The following GSE1 variants were observed in gnomAD, a reference collection of about 807,000 sequenced individuals.
GSE1 encodes the protein genetic suppressor element 1.
Under a neutral mutation model 112.6 loss-of-function variants are expected in GSE1, and 32 were observed. That is an observed-to-expected ratio of 0.28 (90% confidence interval 0.21 to 0.38). The LOEUF is 0.38. Among genes scored for constraint, GSE1 ranks in the 10% least tolerant of loss-of-function variants. GSE1 has a pLI of 1.00. For synonymous variants in GSE1, 1,115 were observed against 735.6 expected, an observed-to-expected ratio of 1.52 and a Z score of -8.35; for missense variants, 2,348 against 1,699.2, an observed-to-expected ratio of 1.38 and a Z score of -6.71.
exon 1 of GSE1, chr16:85,169,719 G>T: frequency 1.0e-6 from 1 of 983,778 alleles, no homozygotes; most frequent in Non-Finnish European, 1.2e-6. Flanking sequence ...TCCCGTTCCT[G>T]CAGCAGCAGG....
At position 85,673,610 on chromosome 16, in the gene GSE1, T is replaced by G. The variant is rs2152037465; in HGVS notation, c.*1071T>G. ...TTACCACTGGCGCCTATGCGATCAC[T>G]TCATTTTTAGTTTGAGTTGCACCAG... On this transcript the variant is annotated 3_prime_UTR_variant, in exon 16 of 16. Transcript: ENST00000253458. 1 of 152,338 alleles carries G rather than the reference T, an allele frequency of 6.6e-6. No individual in the cohort carries two copies. The highest frequency in any genetic ancestry group is 2.1e-4 in the South Asian group (1 of 4,832). 9.4% of individuals were successfully genotyped at this position (152,338 alleles called of 1,614,324 possible).
intron 2 of GSE1, among the ~76,000 whole-genome samples, chr16:85,372,096 C>T (rs74034707): frequency 0.026 from 3,938 of 152,276 alleles, 154 homozygotes; most frequent in African/African-American, 0.089. Flanking sequence ...GCTTCTCACC[C>T]TCCCCTTCCT....
chr16:85,238,802 C>T (rs951691339), intron 1 of GSE1, among the ~76,000 whole-genome samples: 2 of 152,204 alleles, frequency 1.3e-5, no homozygotes, highest in African/African-American at 4.8e-5. Context: ...GCTACCCTTC[C>T]CCTAACTTAT....
chr16:85,361,452 G>A (rs1040301421), intron 2 of GSE1, among the ~76,000 whole-genome samples: 9 of 151,840 alleles, frequency 5.9e-5, no homozygotes, highest in Admixed American at 5.9e-4. Flanking sequence ...CCACAGCCCC[G>A]TCTCCCTCTT....
Position 85,331,473 on chromosome 16 carries a change from GTATA to G in GSE1, c.2284-25986_2284-25983del, listed in dbSNP as rs1217059211. 6.1e-5 allele frequency among the ~76,000 whole-genome samples: 8 copies of G among 130,346 alleles called. No homozygotes were observed. The East Asian group carries it at 1.4e-3, about 23-fold the overall frequency. 85.5% of individuals were successfully genotyped at this position (130,346 alleles called of 152,430 possible). A position where few individuals can be genotyped will look rare whatever the true frequency, so the allele number is the denominator to read the frequency against. On this transcript the variant is annotated intron_variant, in intron 1 of 2. Coordinates refer to the GSE1 transcript ENST00000637419. ...TATGTATATATATGTGTGTATATAT[GTATA>G]TATGTGTATATATGTGTATATGTGT...
intron 2 of GSE1, among the ~76,000 whole-genome samples, chr16:85,449,075 A>G (rs890438386): frequency 1.3e-5 from 2 of 152,132 alleles, no homozygotes; most frequent in Non-Finnish European, 2.9e-5. Context: ...GCCGGGCTGG[A>G]AACCGGGCCG....
rs527756173 is a variant in GSE1, at chr16:85,527,396, A to G, written c.2465-106518A>G. On this transcript the variant is annotated intron_variant, in intron 2 of 2. Coordinates refer to the GSE1 transcript ENST00000637419. ...GCCCTCAGAAGAACCTCTCCCAGAG[A>G]AGAAGCTGGGCTGGGATGAACCGGG... 3.9e-5 allele frequency among the ~76,000 whole-genome samples: 6 copies of G among 152,380 alleles called. No homozygotes were observed. The East Asian group carries it at 1.2e-3, about 29-fold the overall frequency.
chr16:85,581,959 AAGCTCCCCACCCCAAGTTGGGTG>A (rs2046466941), intron 1 of GSE1: 1 of 152,072 alleles, frequency 6.6e-6, no homozygotes, highest in South Asian at 2.1e-4. Flanking sequence ...ACATTTTTCA[AAGCTCCCCACCCCAAGTTGGGTG>A]ATCAGTCAGA....
intron 2 of GSE1, among the ~76,000 whole-genome samples, chr16:85,382,919 TGCACAC>T: frequency 6.7e-6 from 1 of 149,172 alleles, no homozygotes; most frequent in Non-Finnish European, 1.5e-5. Flanking sequence ...CACACATACA[TGCACAC>T]ACGCGCACAC....
intron 1 of GSE1, among the ~76,000 whole-genome samples, chr16:85,310,110 CA>C (rs2045795537): frequency 6.6e-6 from 1 of 152,212 alleles, no homozygotes; most frequent in African/African-American, 2.4e-5. Flanking sequence ...GCCTGGCACT[CA>C]GCTAGGGCTA....
At chr16:85,202,443 A>T (rs988373135) in intron 1 of GSE1, among the ~76,000 whole-genome samples, 1 of 152,006 alleles carries the variant, frequency 6.6e-6, no homozygotes, top group Non-Finnish European at 1.5e-5. Context: ...CCCACAGGAC[A>T]TTTTTTTGTA....
intron 1 of GSE1, among the ~76,000 whole-genome samples, chr16:85,243,875 G>A (rs922516779): frequency 9.2e-5 from 14 of 151,976 alleles, no homozygotes; most frequent in African/African-American, 1.2e-4. Context: ...GCCTGTAATC[G>A]CAGCACTTTG....
intron 2 of GSE1, among the ~76,000 whole-genome samples, chr16:85,497,279 C>A (rs760040486): frequency 3.9e-5 from 6 of 152,228 alleles, no homozygotes; most frequent in African/African-American, 9.6e-5. Flanking sequence ...TGGTGTTAGA[C>A]CTCCTTCTCT....
intron 1 of GSE1, among the ~76,000 whole-genome samples, chr16:85,266,377 C>T (rs1180373952): frequency 6.6e-6 from 1 of 152,208 alleles, no homozygotes; most frequent in Non-Finnish European, 1.5e-5. Flanking sequence ...TTGCCAATGG[C>T]AAGCATTCCA....
intron 2 of GSE1, among the ~76,000 whole-genome samples, chr16:85,486,103 C>G (rs1014019429): frequency 7.9e-5 from 12 of 152,306 alleles, no homozygotes; most frequent in African/African-American, 2.6e-4. Flanking sequence ...TGGGGGCACC[C>G]CATGCCCAGT....
chr16:85,628,410 G>A (rs2049258642), intron 1 of GSE1, among the ~76,000 whole-genome samples: 1 of 152,216 alleles, frequency 6.6e-6, no homozygotes, highest in African/African-American at 2.4e-5. Flanking sequence ...GGGGCCCGGG[G>A]AGCAGATATT....
At position 85,654,196 on chromosome 16, in the gene GSE1, G is replaced by A. The variant is rs917592738; in HGVS notation, c.427-82G>A. The A allele has an allele frequency of 2.2e-5, 29 of 1,305,678 alleles. 1 individual carries two copies. The South Asian group carries it at 2.8e-4, about 13-fold the overall frequency. 80.9% of individuals were successfully genotyped at this position (1,305,678 alleles called of 1,614,324 possible). ...CATGAACTAAATCTAGCGCCTTCCC[G>A]TGAGTCAGGAGACCTGGCTGTGTCC... On this transcript the variant is annotated intron_variant, in intron 3 of 15. Transcript: ENST00000253458.
At chr16:85,670,814 T>C in intron 14 of GSE1, 181 bp from the exon 15 acceptor site, 1 of 484,570 alleles carries the variant, frequency 2.1e-6, no homozygotes, top group Non-Finnish European at 3.7e-6. Flanking sequence ...TTAGTGACGT[T>C]TATGTATTTA....
At chr16:85,377,922 T>A (rs945099867) in intron 2 of GSE1, among the ~76,000 whole-genome samples, 1 of 152,182 alleles carries the variant, frequency 6.6e-6, no homozygotes, top group Non-Finnish European at 1.5e-5. Flanking sequence ...GCCTGGCCGC[T>A]CCTTGGGCAG....
Sources: allele counts gnomAD v4.1 joint callset (sites outside exome capture counted in the v4.1 genomes callset), GRCh38; gene constraint gnomAD v4.1.1; transcripts MANE v1.5; gene names NCBI Gene and HGNC (gene_info 2026-07-23, HGNC 2026-07-21).